The following RYR3 variants were observed in gnomAD, a reference collection of about 807,000 sequenced individuals.
RYR3 encodes brain ryanodine receptor-calcium release channel.
In RYR3, 207 loss-of-function variants were observed where a neutral mutation model predicts 584.3. The observed-to-expected ratio is 0.35, with a 90% CI of 0.32 to 0.40. RYR3 has a LOEUF of 0.40. Among genes scored for constraint, RYR3 ranks in the 10% least tolerant of loss-of-function variants. The pLI is 1.00. For missense variants in RYR3, 5,616 were observed against 6,089.2 expected, an observed-to-expected ratio of 0.92 and a Z score of 2.59; for synonymous variants, 2,416 against 2,248.5, an observed-to-expected ratio of 1.07 and a Z score of -2.11.
chr15:33,384,042 T>C (rs547927220), intron 1 of RYR3, among the ~76,000 whole-genome samples: 11 of 152,300 alleles, frequency 7.2e-5, no homozygotes, highest in African/African-American at 2.6e-4. Flanking sequence ...TTGTCACTTG[T>C]AAGTGAGAGC....
intron 3 of RYR3, among the ~76,000 whole-genome samples, chr15:33,525,285 A>G (rs777256757): frequency 3.9e-5 from 6 of 152,176 alleles, no homozygotes; most frequent in Non-Finnish European, 7.3e-5. Context: ...GACTGTCTGT[A>G]TTGTGCCACA....
intron 18 of RYR3, among the ~76,000 whole-genome samples, chr15:33,607,712 T>C (rs905169337): frequency 2.0e-5 from 3 of 152,164 alleles, no homozygotes; most frequent in African/African-American, 7.2e-5. Flanking sequence ...ATTTCCCATA[T>C]TGTTATTTTT....
chr15:33,375,454 T>TCCTAAAAGAGCTTTA (rs1396346515), intron 1 of RYR3, among the ~76,000 whole-genome samples: 1 of 152,080 alleles, frequency 6.6e-6, no homozygotes, highest in Non-Finnish European at 1.5e-5. Context: ...TCTTTAAAGC[T>TCCTAAAAGAGCTTTA]CCTAAAAGAA....
chr15:33,778,712 A>G lies in RYR3; in HGVS notation c.9138-1499A>G, dbSNP rs531023779. 7.5e-4 allele frequency among the ~76,000 whole-genome samples: 115 copies of G among 152,356 alleles called. 1 individual carries two copies. The highest frequency in any genetic ancestry group is 2.6e-3 in the African/African-American group (107 of 41,584). ...GGGCAGCATTGATACACAGGGCACA[A>G]TAGGACTGGTTTGTCCAAGGGCCTC... On this transcript the variant is annotated intron_variant, in intron 64 of 103. Transcript: ENST00000634891.
chr15:33,612,887 T>C (rs1000691529), intron 18 of RYR3, among the ~76,000 whole-genome samples: 2 of 152,224 alleles, frequency 1.3e-5, no homozygotes, highest in African/African-American at 4.8e-5. Context: ...TGAACACTCA[T>C]TGAGCACATT....
At chr15:33,827,741 A>C (rs2077453884) in intron 85 of RYR3, among the ~76,000 whole-genome samples, 1 of 152,232 alleles carries the variant, frequency 6.6e-6, no homozygotes, top group Non-Finnish European at 1.5e-5. Context: ...ACACAAACCT[A>C]TTAACAAAAA....
intron 1 of RYR3, among the ~76,000 whole-genome samples, chr15:33,344,444 T>G (rs1972193222): frequency 6.6e-6 from 1 of 152,174 alleles, no homozygotes; most frequent in South Asian, 2.1e-4. Context: ...TCTAATACAG[T>G]TTTCGGTTCC....
intron 97 of RYR3, 80 bp downstream of exon 97, chr15:33,854,529 C>T: frequency 1.6e-6 from 2 of 1,216,512 alleles, no homozygotes; most frequent in Non-Finnish European, 2.3e-6. Flanking sequence ...GCAGGATGCT[C>T]AGAAGGGTTC....
intron 6 of RYR3, 30 bp from the exon 7 acceptor site, chr15:33,540,761 A>G: frequency 7.0e-7 from 1 of 1,420,046 alleles, no homozygotes; most frequent in Non-Finnish European, 1.0e-6. Context: ...TGGTGATTTA[A>G]AAGATGTCTC....
At chr15:33,503,846 A>G in intron 3 of RYR3, 108 bp downstream of exon 3, 1 of 677,946 alleles carries the variant, frequency 1.5e-6, no homozygotes, top group Non-Finnish European at 2.7e-6. Context: ...GACTGTTGAG[A>G]TGATTCATAT....
intron 31 of RYR3, among the ~76,000 whole-genome samples, chr15:33,651,158 A>G (rs1276596572): frequency 6.6e-6 from 1 of 152,240 alleles, no homozygotes; most frequent in Non-Finnish European, 1.5e-5. Flanking sequence ...GTACACATTC[A>G]ATAATTCTTA....
rs757663676 is a variant in RYR3 at position 33,662,810 on chromosome 15, G to A, written c.5280G>A (p.Ala1760=). The change falls in exon 35 of 104, where the codon GCG becomes GCA. Residue 1760 remains alanine (A), a synonymous_variant. Coordinates refer to ENST00000634891, the MANE Select transcript of RYR3 (RefSeq NM_001036.6). ...IDPSVFGEHS[A]GTEEGAEKEE... ...CCTCTGTGTTTGGGGAGCATAGTGCGGGGACAGAGGAGGGAGCAGAAAAGG... is the reference window on the plus strand; with the variant it reads ...CCTCTGTGTTTGGGGAGCATAGTGCAGGGACAGAGGAGGGAGCAGAAAAGG... 7.2e-5 allele frequency: 117 copies of A among 1,613,830 alleles called. 1 individual carries two copies. The South Asian group carries it at 1.1e-3, about 15-fold the overall frequency.
At chr15:33,610,303 T>C (rs1298822366) in intron 18 of RYR3, among the ~76,000 whole-genome samples, 1 of 152,196 alleles carries the variant, frequency 6.6e-6, no homozygotes, top group Non-Finnish European at 1.5e-5. Flanking sequence ...TGTCCCATGC[T>C]CCCAGACAGA....
chr15:33,564,824 C>A (rs1192241159), intron 11 of RYR3, among the ~76,000 whole-genome samples: 1 of 152,168 alleles, frequency 6.6e-6, no homozygotes, highest in Non-Finnish European at 1.5e-5. Context: ...TTGGGAGGTG[C>A]TTTTATAAAC....
chr15:33,722,959 T>G, intron 44 of RYR3, 64 bp downstream of exon 44: 6 of 1,384,784 alleles, frequency 4.3e-6, no homozygotes, highest in Non-Finnish European at 4.9e-6. Flanking sequence ...ATTATTGGTA[T>G]ACGGATGATT....
At chr15:33,621,898 G>A (rs1271144869) in intron 19 of RYR3, among the ~76,000 whole-genome samples, 3 of 152,160 alleles carry the variant, frequency 2.0e-5, no homozygotes, top group South Asian at 2.1e-4. Context: ...TCCAGTGAAA[G>A]GAAGTGAGGC....
At chr15:33,844,740 G>C in intron 92 of RYR3, 122 bp from the exon 93 acceptor site, 1 of 816,854 alleles carries the variant, frequency 1.2e-6, no homozygotes, top group South Asian at 1.9e-5. Flanking sequence ...CATTCATTCA[G>C]CAAGTAATGT....
intron 65 of RYR3, among the ~76,000 whole-genome samples, chr15:33,782,129 CT>C (rs1450294680): frequency 6.6e-6 from 1 of 152,306 alleles, no homozygotes; most frequent in East Asian, 1.9e-4. Context: ...TATACCAGCA[CT>C]GTGTAGAGCT....
At chr15:33,435,307 T>C (rs2045573982) in intron 1 of RYR3, among the ~76,000 whole-genome samples, 1 of 151,402 alleles carries the variant, frequency 6.6e-6, no homozygotes, top group African/African-American at 2.5e-5. Flanking sequence ...ATACTCTCTG[T>C]ATTTTTCTGG....
Sources: gnomAD v4.1 joint callset for allele counts (sites outside exome capture counted in the v4.1 genomes callset) on GRCh38, gnomAD v4.1.1 for gene constraint, MANE v1.5 for transcripts, NCBI Gene and HGNC (gene_info 2026-07-23, HGNC 2026-07-21) for gene names.